Variants in NCOA2 observed in about 807,000 individuals in gnomAD.
NCOA2 encodes the protein nuclear receptor coactivator 2, also known as class E basic helix-loop-helix protein 75.
Under a neutral mutation model 145.1 loss-of-function variants are expected in NCOA2, and 21 were observed. The ratio of observed to expected loss-of-function variants is 0.14; its 90% CI spans 0.10 to 0.21. NCOA2 has a LOEUF of 0.21. Ranked by LOEUF, NCOA2 falls within the 10% of genes least tolerant of loss-of-function variation. The pLI is 1.00. For missense variants in NCOA2, 1,472 were observed against 1,837.6 expected (o/e 0.80, Z 3.64); for synonymous variants, 619 against 637.5 (o/e 0.97, Z 0.44).
intron 2 of NCOA2, among the ~76,000 whole-genome samples, chr8:70,225,884 A>C (rs952547198): frequency 6.6e-6 from 1 of 152,132 alleles, no homozygotes; most frequent in South Asian, 2.1e-4. Flanking sequence ...ACCTCTTTGG[A>C]GCTTTGTTTC....
chr8:70,127,064 C>T lies in NCOA2; in HGVS notation c.3682-17G>A, dbSNP rs1338691129. On this transcript the variant is annotated splice_polypyrimidine_tract_variant and intron_variant, in intron 18 of 22. Coordinates refer to ENST00000452400, the MANE Select transcript of NCOA2 (RefSeq NM_006540.4). The stretch of plus-strand genomic sequence containing the variant: ...AATAGGTGCCTGAAATCCGGGGCAA[C>T]ACATGGAGGAAAATGTCGGGGACAG... 1.3e-6 allele frequency: 2 copies of T among 1,565,292 alleles called. No homozygotes were observed. The highest frequency in any genetic ancestry group is 1.8e-6 in the Non-Finnish European group (2 of 1,142,492).
the NCOA2 span, among the ~76,000 whole-genome samples, chr8:70,437,167 AC>A: frequency 6.6e-6 from 1 of 152,202 alleles, no homozygotes; most frequent in Non-Finnish European, 1.5e-5. Flanking sequence ...TCTGGCTGGA[AC>A]AACTTTGTAC....
intron 2 of NCOA2, among the ~76,000 whole-genome samples, chr8:70,241,371 T>C (rs1020751160): frequency 1.3e-5 from 2 of 152,174 alleles, no homozygotes; most frequent in African/African-American, 4.8e-5. Context: ...ATGCTCTCCT[T>C]CATTCTCCTT....
At chr8:70,159,244 T>TATATATGTATATATATGTATATATA in intron 10 of NCOA2, among the ~76,000 whole-genome samples, 1 of 69,304 alleles carries the variant, frequency 1.4e-5, no homozygotes, top group Non-Finnish European at 2.9e-5. Context: ...ATATATATAT[T>TATATATGTATATATATGTATATATA]TTTTTTTTTT....
At chr8:70,190,374 T>G (rs1160894365) in intron 4 of NCOA2, among the ~76,000 whole-genome samples, 1 of 152,158 alleles carries the variant, frequency 6.6e-6, no homozygotes, top group Non-Finnish European at 1.5e-5. Flanking sequence ...AAACTATGAG[T>G]CACTAAGTCA....
At chr8:70,387,286 C>T (rs1812752705) in intron 1 of NCOA2, among the ~76,000 whole-genome samples, 1 of 152,194 alleles carries the variant, frequency 6.6e-6, no homozygotes, top group Non-Finnish European at 1.5e-5. Context: ...CTGACTCAGC[C>T]TCCTGAGTAG....
chr8:70,456,318 G>A, the NCOA2 span, among the ~76,000 whole-genome samples: 1 of 152,186 alleles, frequency 6.6e-6, no homozygotes, highest in African/African-American at 2.4e-5. Flanking sequence ...AGAGAACAAA[G>A]AGAGAGGACT....
chr8:70,166,584 T>C lies in NCOA2; in HGVS notation c.712A>G (p.Ile238Val), dbSNP rs777286391. The change falls in exon 7 of 23, where the codon ATC becomes GTC. Residue 238 changes from isoleucine to valine, a missense_variant. Ile to Val is a conservative substitution (Grantham distance 29). This residue lies in a region of NCOA2 where 284 missense variants were observed against 467.8 expected (regional missense o/e 0.61). Transcript: ENST00000452400. ...GTCCCACCTTCTCCTTCTTCTTTGA[T>C]GGACTTTGGTTGAGAGACAGCGAAG... ...QCFAVSQPKSIKEEGEDLQSC... is the reference protein window; with the variant it reads ...QCFAVSQPKSVKEEGEDLQSC... 6.2e-7 allele frequency: 1 copy of C among 1,613,910 alleles called. No homozygotes were observed. Among genetic ancestry groups the C allele is most frequent in the Non-Finnish European group, 8.5e-7 (1 of 1,179,884 alleles).
At chr8:70,238,052 C>T (rs1436274842) in intron 2 of NCOA2, among the ~76,000 whole-genome samples, 1 of 152,030 alleles carries the variant, frequency 6.6e-6, no homozygotes, top group Non-Finnish European at 1.5e-5. Context: ...CAAAATTAAA[C>T]ATATGTGATT....
intron 4 of NCOA2, among the ~76,000 whole-genome samples, chr8:70,207,862 C>CAAAAAAAAAAAAAAAAAAAAAAA (rs754670876): frequency 2.8e-5 from 1 of 36,208 alleles, no homozygotes; most frequent in African/African-American, 1.1e-4. Context: ...GACTCCACCT[C>CAAAAAAAAAAAAAAAAAAAAAAA]AAAAAAAAAA....
intron 1 of NCOA2, among the ~76,000 whole-genome samples, chr8:70,350,435 C>T (rs937465410): frequency 3.9e-5 from 6 of 152,156 alleles, no homozygotes; most frequent in African/African-American, 7.2e-5. Context: ...CTACATACAC[C>T]TTCTTTTACA....
At chr8:70,343,707 A>G (rs868182361) in intron 1 of NCOA2, among the ~76,000 whole-genome samples, 9 of 151,950 alleles carry the variant, frequency 5.9e-5, no homozygotes, top group African/African-American at 2.2e-4. Flanking sequence ...CCAGCTCAGG[A>G]GGCTGAGGCA....
chr8:70,417,552 A>AAAAC, the NCOA2 span, among the ~76,000 whole-genome samples: 1,481 of 151,220 alleles, frequency 9.8e-3, 8 homozygotes, highest in African/African-American at 0.018. Context: ...TCTGTCTCAA[A>AAAAC]AAACAAACAA....
At chr8:70,350,716 C>T (rs527857275) in intron 1 of NCOA2, among the ~76,000 whole-genome samples, 1 of 152,216 alleles carries the variant, frequency 6.6e-6, no homozygotes, top group Admixed American at 6.5e-5. Context: ...TCCAGTATAC[C>T]AATCATTCAG....
chr8:70,216,878 AGT>A, intron 2 of NCOA2, 114 bp from the exon 3 acceptor site: 1 of 546,670 alleles, frequency 1.8e-6, no homozygotes, highest in Non-Finnish European at 3.1e-6. Context: ...ATTTGAGACC[AGT>A]AATTAACATT....
chr8:70,149,239 GTTTTTTTTT>G (rs890653885), intron 11 of NCOA2, among the ~76,000 whole-genome samples: 1 of 144,832 alleles, frequency 6.9e-6, no homozygotes, highest in African/African-American at 2.5e-5. Flanking sequence ...TGTTTTTTTT[GTTTTTTTTT>G]TTCTGAGAAA....
chr8:70,291,460 G>T lies in NCOA2; in HGVS notation c.-20+5284C>A, dbSNP rs56831446. ...TGCTCCCACAGTAAAGTGGCTCTAA[G>T]CTAAAATTCAATTCTCTTATACTCC... On this transcript the variant is annotated intron_variant, in intron 2 of 22. Transcript: ENST00000452400. Among the ~76,000 whole-genome samples the T allele has an allele frequency of 3.7e-3, 565 of 152,214 alleles. 8 individuals are homozygous for T. Among genetic ancestry groups the T allele is most frequent in the African/African-American group, 0.013 (549 of 41,524 alleles).
chr8:70,428,155 C>T, the NCOA2 span, among the ~76,000 whole-genome samples: 1 of 152,134 alleles, frequency 6.6e-6, no homozygotes, highest in Non-Finnish European at 1.5e-5. Context: ...CGAAGGTTTT[C>T]TCAGAATACT....
At chr8:70,282,062 G>A (rs1165808608) in intron 2 of NCOA2, among the ~76,000 whole-genome samples, 1 of 152,092 alleles carries the variant, frequency 6.6e-6, no homozygotes, top group Admixed American at 6.6e-5. Context: ...TGAAACCTAA[G>A]AGGTGAGAGA....
Sources: allele counts gnomAD v4.1 joint callset (sites outside exome capture counted in the v4.1 genomes callset), GRCh38; gene constraint gnomAD v4.1.1; regional missense constraint gnomAD v4.1.1; transcripts MANE v1.5; gene names NCBI Gene and HGNC (gene_info 2026-07-23, HGNC 2026-07-21).